PARD3B: variants seen among roughly 807,000 people sequenced by gnomAD.
The protein encoded by PARD3B is par-3 family cell polarity regulator beta, also known as partitioning defective 3 homolog B.
A neutral mutation model predicts 130.2 loss-of-function variants in PARD3B; 103 were observed. That is an observed-to-expected ratio of 0.79 (90% CI 0.67 to 0.93). The LOEUF (loss-of-function observed/expected upper bound fraction) is 0.93, where lower values mean the gene tolerates loss of function less well. Ranked by LOEUF, PARD3B falls within the 40% of genes least tolerant of loss-of-function variation. The pLI is 0.00. For synonymous variants in PARD3B, 583 were observed against 553.2 expected, an observed-to-expected ratio of 1.05 and a Z score of -0.76; for missense variants, 1,609 against 1,499.2, an observed-to-expected ratio of 1.07 and a Z score of -1.21.
rs944180403 is a variant in PARD3B, at chr2:205,530,519, G to A, written c.3181-22805G>A. 5.3e-5 allele frequency among the ~76,000 whole-genome samples: 8 copies of A among 152,014 alleles called. No homozygotes were observed. In the East Asian group the frequency reaches 5.8e-4, roughly 11 times the overall value. On this transcript the variant is annotated intron_variant, in intron 21 of 22. Transcript: ENST00000406610. The surrounding 1 kb of genome is among the most constrained non-coding windows in gnomAD (Gnocchi z 4.7). The stretch of plus-strand genomic sequence containing the variant: ...TGTCTGCTTTCTTCCAGAATACAGC[G>A]TGCTCTGGTTAGTACAATAGCTAAG...
rs79752860 is a variant in PARD3B at position 205,278,346 on chromosome 2, G to A, written c.2186-22184G>A. Among the ~76,000 whole-genome samples the A allele has an allele frequency of 2.0e-5, 3 of 152,280 alleles. No homozygotes were observed. In the East Asian group the frequency reaches 5.8e-4, roughly 29 times the overall value. ...AGGAGAGACTCAAGGGATGATTTCAGTGAATAGATTTTCAAGATTTCGGGG... is the reference window on the plus strand; with the variant it reads ...AGGAGAGACTCAAGGGATGATTTCAATGAATAGATTTTCAAGATTTCGGGG... On this transcript the variant is annotated intron_variant, in intron 16 of 22. Coordinates refer to ENST00000406610, the MANE Select transcript of PARD3B (RefSeq NM_001302769.2).
rs144731647 is a variant in PARD3B, at chr2:204,785,975, G to C, written c.222+99693G>C. Among the ~76,000 whole-genome samples the C allele has an allele frequency of 8.0e-3, 1,212 of 152,056 alleles. 15 individuals are homozygous for C. The highest frequency in any genetic ancestry group is 0.026 in the African/African-American group (1,068 of 41,484). On this transcript the variant is annotated intron_variant, in intron 2 of 22. Transcript: ENST00000406610. ...TAAAAATACAAAAAAATAGCTGGGC[G>C]TAGGGGTGGGTGCCTGTAATCCCAG...
chr2:205,063,935 A>G (rs1025307896), intron 4 of PARD3B, among the ~76,000 whole-genome samples: 5 of 152,080 alleles, frequency 3.3e-5, no homozygotes, highest in African/African-American at 9.7e-5. Flanking sequence ...GAAATAAAAA[A>G]AAACGCATAT....
intron 21 of PARD3B, among the ~76,000 whole-genome samples, chr2:205,546,150 A>T (rs1398924590): frequency 6.6e-6 from 1 of 152,218 alleles, no homozygotes; most frequent in Non-Finnish European, 1.5e-5. Context: ...CCCTCCTGAT[A>T]GGCTTGTCAC....
At chr2:205,378,072 G>A (rs2045139556) in intron 18 of PARD3B, among the ~76,000 whole-genome samples, 1 of 151,988 alleles carries the variant, frequency 6.6e-6, no homozygotes, top group African/African-American at 2.4e-5. Context: ...TGCCCAGCTG[G>A]TGTAATCCAC....
intron 2 of PARD3B, among the ~76,000 whole-genome samples, chr2:204,748,090 A>G (rs534231064): frequency 2.8e-4 from 42 of 152,240 alleles, no homozygotes; most frequent in Non-Finnish European, 5.3e-4. Context: ...GTTCTTACTG[A>G]TAATATCTAT....
In PARD3B at chr2:205,397,273, G is replaced by C. The variant is rs945646719; in HGVS notation, c.2631-3740G>C. On this transcript the variant is annotated intron_variant, in intron 18 of 22. Transcript: ENST00000406610. The surrounding 1 kb of genome is among the most constrained non-coding windows in gnomAD (Gnocchi z 4.8). ...CTGGCTAATAAAATAAATTTCACAT[G>C]TATTTCTGCCCTTCTTATTGGAAAC... Among the ~76,000 whole-genome samples, 1 of 152,170 alleles carries C rather than the reference G, an allele frequency of 6.6e-6. No homozygotes were observed. Among genetic ancestry groups the C allele is most frequent in the African/African-American group, 2.4e-5 (1 of 41,450 alleles).
chr2:205,097,257 G>C (rs1702456340), intron 4 of PARD3B, among the ~76,000 whole-genome samples: 1 of 152,022 alleles, frequency 6.6e-6, no homozygotes, highest in African/African-American at 2.4e-5. Flanking sequence ...CATTAAAAAA[G>C]AATCCATAAC....
chr2:205,595,252 G>A (rs2054526969), intron 22 of PARD3B, among the ~76,000 whole-genome samples: 1 of 152,182 alleles, frequency 6.6e-6, no homozygotes. Context: ...CCACCATAGA[G>A]GACAAATGAA....
intron 22 of PARD3B, among the ~76,000 whole-genome samples, chr2:205,612,073 T>A (rs905883507): frequency 1.3e-5 from 2 of 152,088 alleles, no homozygotes; most frequent in African/African-American, 4.8e-5. Flanking sequence ...AAAGAGAAAC[T>A]CACGATTAAC....
intron 2 of PARD3B, among the ~76,000 whole-genome samples, chr2:204,709,406 G>C (rs189540103): frequency 6.6e-6 from 1 of 152,320 alleles, no homozygotes; most frequent in East Asian, 1.9e-4. Context: ...AATGTATGTG[G>C]TTCCAGAATT....
intron 4 of PARD3B, among the ~76,000 whole-genome samples, chr2:205,059,351 G>C (rs1451116046): frequency 6.6e-6 from 1 of 151,992 alleles, no homozygotes; most frequent in African/African-American, 2.4e-5. Context: ...CTATGTATGA[G>C]AGTTATAATT....
chr2:204,711,938 T>C (rs1318624587), intron 2 of PARD3B, among the ~76,000 whole-genome samples: 2 of 152,166 alleles, frequency 1.3e-5, no homozygotes, highest in African/African-American at 4.8e-5. Context: ...AATGGAAGAA[T>C]TGGGATTTAA....
rs563663890 is a variant in PARD3B at position 204,617,747 on chromosome 2, C to G, written c.121-68434C>G. On this transcript the variant is annotated intron_variant, in intron 1 of 22. Transcript: ENST00000406610. ...ATGTCTGCTGTTCCCTTCTTTGTGT[C>G]CATGTGTACTCAATGTTCAGCTTCC... 7.9e-5 allele frequency among the ~76,000 whole-genome samples: 12 copies of G among 152,252 alleles called. No individual in the cohort carries two copies. In the South Asian group the frequency reaches 2.5e-3, roughly 32 times the overall value.
intron 4 of PARD3B, among the ~76,000 whole-genome samples, chr2:205,052,482 G>A (rs894026717): frequency 6.9e-6 from 1 of 144,356 alleles, no homozygotes; most frequent in African/African-American, 2.6e-5. Flanking sequence ...CAGATTTGGG[G>A]GTTGTTAAAT....
Position 205,113,561 on chromosome 2 carries a change from T to C in PARD3B, c.664T>C (p.Ser222Pro). The C allele has an allele frequency of 1.9e-6, 3 of 1,612,396 alleles. No individual in the cohort carries two copies. Among genetic ancestry groups the C allele is most frequent in the Non-Finnish European group, 2.5e-6 (3 of 1,178,802 alleles). ...GGGAATACATGTAGTGCCCTTCTTTTCATCTCTGAGTGGAAGGTAAGATGT... is the reference window on the plus strand; with the variant it reads ...GGGAATACATGTAGTGCCCTTCTTTCCATCTCTGAGTGGAAGGTAAGATGT... ...PLGIHVVPFF[S>P]SLSGRILGLF... is the part of the protein sequence containing the mutation. Residue 222 changes from serine to proline, a missense_variant, in exon 6 of 23, where the codon TCA becomes CCA. Ser to Pro is a moderately conservative substitution (Grantham distance 74, BLOSUM62 -1). Transcript: ENST00000406610.
chr2:204,713,566 C>T (rs975426740), intron 2 of PARD3B, among the ~76,000 whole-genome samples: 3 of 151,970 alleles, frequency 2.0e-5, no homozygotes, highest in Admixed American at 2.0e-4. Flanking sequence ...CCTGTTTCCC[C>T]TCTTCCCATC....
chr2:205,344,099 T>C (rs920389911), intron 18 of PARD3B, among the ~76,000 whole-genome samples: 1 of 152,044 alleles, frequency 6.6e-6, no homozygotes, highest in African/African-American at 2.4e-5. Context: ...TGGTGTTTGA[T>C]CTTTTAATGG....
chr2:205,514,156 T>C (rs1197155203), intron 21 of PARD3B, among the ~76,000 whole-genome samples: 2 of 151,968 alleles, frequency 1.3e-5, no homozygotes, highest in Non-Finnish European at 2.9e-5. Flanking sequence ...CCCGAGAGAG[T>C]AGATTTTCTA....
Sources: allele counts gnomAD v4.1 joint callset (sites outside exome capture counted in the v4.1 genomes callset), GRCh38; gene constraint gnomAD v4.1.1; non-coding constraint Gnocchi (gnomAD v3.1); transcripts MANE v1.5; gene names NCBI Gene and HGNC (gene_info 2026-07-23, HGNC 2026-07-21).